MARCHF8: variants seen among roughly 807,000 people sequenced by gnomAD.
MARCHF8 encodes the protein E3 ubiquitin-protein ligase MARCHF8.
MARCHF8 carries 40 observed loss-of-function variants against 51.6 expected under a neutral mutation model. That is an observed-to-expected ratio of 0.77 (90% confidence interval 0.60 to 1.01). MARCHF8 has a LOEUF of 1.01. Ranked by LOEUF, MARCHF8 falls within the 50% of genes least tolerant of loss-of-function variation. The pLI is 0.00. For synonymous variants in MARCHF8, 263 were observed against 280.3 expected (o/e 0.94, Z 0.62); for missense variants, 685 against 708.6 (o/e 0.97, Z 0.38).
chr10:45,565,112 T>G (rs2044350357), intron 1 of MARCHF8, among the ~76,000 whole-genome samples: 1 of 152,210 alleles, frequency 6.6e-6, no homozygotes, highest in East Asian at 1.9e-4. Flanking sequence ...ATAACAACAC[T>G]GTATCATGGG....
intron 1 of MARCHF8, among the ~76,000 whole-genome samples, chr10:45,577,769 C>A (rs2044506669): frequency 6.6e-6 from 1 of 152,172 alleles, no homozygotes; most frequent in Admixed American, 6.5e-5. Context: ...TATCTGTAAT[C>A]CTACCACTTT....
chr10:45,560,652 A>G (rs551818994), intron 1 of MARCHF8, among the ~76,000 whole-genome samples: 3 of 152,282 alleles, frequency 2.0e-5, no homozygotes, highest in Admixed American at 6.5e-5. Context: ...GTTTCATTGG[A>G]TACCTGCATG....
At chr10:45,554,883 C>T (rs1019548901) in intron 1 of MARCHF8, among the ~76,000 whole-genome samples, 1 of 151,992 alleles carries the variant, frequency 6.6e-6, no homozygotes, top group Non-Finnish European at 1.5e-5. Context: ...GATAAAACCC[C>T]GTCTCTACTA....
chr10:45,454,621 C>T lies in MARCHF8; in HGVS notation c.*3618G>A, dbSNP rs930459726. ...GAAAGGCTTTATTGCTGCAATTAGA[C>T]ATCCCAGTGTATAGCACAAACCCCC... On this transcript the variant is annotated 3_prime_UTR_variant, in exon 8 of 8. Coordinates refer to ENST00000453424, the MANE Select transcript of MARCHF8 (RefSeq NM_001282866.2). The T allele has an allele frequency of 2.6e-5, 4 of 152,246 alleles. No homozygotes were observed. Among genetic ancestry groups the T allele is most frequent in the African/African-American group, 9.6e-5 (4 of 41,464 alleles). The allele number at this position is 152,246 out of a possible 1,614,324, so 9.4% of individuals were successfully genotyped here.
chr10:45,510,706 G>A (rs774252653), intron 2 of MARCHF8, among the ~76,000 whole-genome samples: 8 of 152,024 alleles, frequency 5.3e-5, no homozygotes, highest in Non-Finnish European at 1.0e-4. Context: ...AAACCTCATT[G>A]TGGCAATAAT....
At position 45,517,133 on chromosome 10, in the gene MARCHF8, T is replaced by C. The variant is rs935240205; in HGVS notation, c.102+15977A>G. On this transcript the variant is annotated intron_variant, in intron 2 of 7. Coordinates refer to ENST00000453424, the MANE Select transcript of MARCHF8 (RefSeq NM_001282866.2). Reference sequence around the variant, plus strand: ...ACATGGACACCAAATTTCCCTGGAGTATCAGCTAGTTGACAGTAGAGTTGT... The same window carrying C: ...ACATGGACACCAAATTTCCCTGGAGCATCAGCTAGTTGACAGTAGAGTTGT... Among the ~76,000 whole-genome samples, 6 of 152,138 alleles carry C rather than the reference T, an allele frequency of 3.9e-5. 1 individual carries two copies. Among genetic ancestry groups the C allele is most frequent in the Non-Finnish European group, 4.4e-5 (3 of 68,022 alleles).
At position 45,576,383 on chromosome 10, in the gene MARCHF8, A is replaced by T. The variant is rs977659097; in HGVS notation, c.-79+17852T>A. 2.0e-5 allele frequency among the ~76,000 whole-genome samples: 3 copies of T among 152,212 alleles called. No homozygotes were observed. In the East Asian group the frequency reaches 5.8e-4, roughly 29 times the overall value. ...TGAGATTGATCATAGATCTGAACCT[A>T]AAGCCAAAACTATAAAACTTCTAGA... On this transcript the variant is annotated intron_variant, in intron 1 of 6. Coordinates refer to the MARCHF8 transcript ENST00000319836.
chr10:45,511,576 TTTC>T (rs1330163794), intron 2 of MARCHF8, among the ~76,000 whole-genome samples: 1 of 152,186 alleles, frequency 6.6e-6, no homozygotes, highest in Non-Finnish European at 1.5e-5. Context: ...CCTGACTGGT[TTTC>T]TTACTTTTTT....
intron 3 of MARCHF8, among the ~76,000 whole-genome samples, chr10:45,479,130 C>G (rs972583497): frequency 2.0e-5 from 3 of 152,108 alleles, no homozygotes; most frequent in Non-Finnish European, 2.9e-5. Context: ...TCCAATTGCA[C>G]ATCAAAAAGA....
At position 45,458,351 on chromosome 10, in the gene MARCHF8, A is replaced by G; in HGVS notation, c.1610T>C (p.Leu537Pro). The G allele has an allele frequency of 6.2e-7, 1 of 1,614,150 alleles. No homozygotes were observed. Among genetic ancestry groups the G allele is most frequent in the Non-Finnish European group, 8.5e-7 (1 of 1,180,026 alleles). The stretch of plus-strand genomic sequence containing the variant: ...TTTATTTTCAAAGTTGGGCTCTGTT[A>G]GTGGAGATTTTTCAAAAATATTCTT... The part of the protein sequence containing the change: ...SKKNIFEKSP[L>P]TEPNFENKHG... Residue 537 changes from leucine (L) to proline (P), a missense_variant, in exon 8 of 8, where the codon CTA (leucine) becomes CCA (proline). Coordinates refer to ENST00000453424, the MANE Select transcript of MARCHF8 (RefSeq NM_001282866.2).
Position 45,458,641 on chromosome 10 carries a change from G to T in MARCHF8, c.1418-98C>A, listed in dbSNP as rs1342664893. 1.3e-5 allele frequency: 17 copies of T among 1,280,764 alleles called. No individual in the cohort carries two copies. The East Asian group carries it at 3.7e-4, about 28-fold the overall frequency. 79.3% of individuals were successfully genotyped at this position (1,280,764 alleles called of 1,614,324 possible). ...TCCCATAATCAACTGATTCTTTGTT[G>T]TTGTTGTTGTTTTTTAAGAGATGGA... On this transcript the variant is annotated intron_variant, in intron 7 of 7. Transcript: ENST00000453424.
At chr10:45,467,070 G>A (rs1427913402) in intron 3 of MARCHF8, among the ~76,000 whole-genome samples, 1 of 152,194 alleles carries the variant, frequency 6.6e-6, no homozygotes, top group Non-Finnish European at 1.5e-5. Context: ...AGTTCTGGCA[G>A]GGCTGGGGAG....
At chr10:45,492,101 T>A (rs768404417) in intron 2 of MARCHF8, among the ~76,000 whole-genome samples, 2 of 152,238 alleles carry the variant, frequency 1.3e-5, no homozygotes, top group Non-Finnish European at 2.9e-5. Context: ...TTAGAACAAT[T>A]CATATTTTAC....
chr10:45,460,424 T>A (rs1308141761), intron 6 of MARCHF8, among the ~76,000 whole-genome samples: 1 of 152,238 alleles, frequency 6.6e-6, no homozygotes, highest in Non-Finnish European at 1.5e-5. Flanking sequence ...CTCTAGCTCA[T>A]AATGAGCATT....
intron 1 of MARCHF8, 124 bp from the exon 2 acceptor site, chr10:45,533,413 G>T: frequency 2.0e-6 from 1 of 502,816 alleles, no homozygotes; most frequent in Non-Finnish European, 3.0e-6. Flanking sequence ...CAACATAAAT[G>T]TTTGGTCTTC....
chr10:45,567,397 T>C (rs562862385), intron 1 of MARCHF8, among the ~76,000 whole-genome samples: 23 of 152,346 alleles, frequency 1.5e-4, no homozygotes, highest in African/African-American at 5.5e-4. Flanking sequence ...CTTGTAGTAG[T>C]TTCATAGTTT....
At chr10:45,572,946 G>C (rs904913897) in intron 1 of MARCHF8, among the ~76,000 whole-genome samples, 10 of 151,892 alleles carry the variant, frequency 6.6e-5, no homozygotes, top group African/African-American at 1.9e-4. Context: ...CCTCACACCT[G>C]GTCCAGCTTA....
intron 2 of MARCHF8, among the ~76,000 whole-genome samples, chr10:45,505,256 A>C (rs1256366956): frequency 6.6e-6 from 1 of 152,142 alleles, no homozygotes; most frequent in Admixed American, 6.5e-5. Flanking sequence ...TAAACTTCTC[A>C]GCATTGACTT....
chr10:45,474,589 T>C (rs1003658270), intron 3 of MARCHF8, among the ~76,000 whole-genome samples: 3 of 152,100 alleles, frequency 2.0e-5, no homozygotes, highest in African/African-American at 7.2e-5. Context: ...CATTAAAAAG[T>C]TAACCAATCA....
Sources: allele counts gnomAD v4.1 joint callset (sites outside exome capture counted in the v4.1 genomes callset), GRCh38; gene constraint gnomAD v4.1.1; transcripts MANE v1.5; gene names NCBI Gene and HGNC (gene_info 2026-07-23, HGNC 2026-07-21).